The following SH3PXD2A variants were observed in gnomAD, a reference collection of about 807,000 sequenced individuals.
The protein encoded by SH3PXD2A is SH3 and PX domains 2A.
SH3PXD2A carries 32 observed loss-of-function variants against 115.2 expected under a neutral mutation model. The ratio of observed to expected loss-of-function variants is 0.28; its 90% CI spans 0.21 to 0.37. SH3PXD2A has a LOEUF of 0.37. Among genes scored for constraint, SH3PXD2A ranks in the 10% least tolerant of loss-of-function variants. The pLI, the probability that SH3PXD2A is intolerant of heterozygous loss-of-function variation, is 1.00. For synonymous variants in SH3PXD2A, 610 were observed against 629.1 expected (o/e 0.97, Z 0.45); for missense variants, 1,328 against 1,498.7 (o/e 0.89, Z 1.88).
At chr10:103,660,664 G>C (rs1032780231) in intron 8 of SH3PXD2A, among the ~76,000 whole-genome samples, 4 of 152,234 alleles carry the variant, frequency 2.6e-5, no homozygotes, top group Non-Finnish European at 4.4e-5. Flanking sequence ...CCTGAGCTGA[G>C]AGCACCCTGC....
intron 1 of SH3PXD2A, among the ~76,000 whole-genome samples, chr10:103,826,491 C>A (rs2039431427): frequency 6.6e-6 from 1 of 152,186 alleles, no homozygotes; most frequent in African/African-American, 2.4e-5. Context: ...GAACTCCATC[C>A]CAGGCCTCCA....
At position 103,597,987 on chromosome 10, in the gene SH3PXD2A, G is replaced by A. The variant is rs2036158671; in HGVS notation, c.*3829C>T. 1 of 152,452 alleles carries A rather than the reference G, an allele frequency of 6.6e-6. No individual in the cohort carries two copies. The highest frequency in any genetic ancestry group is 2.1e-4 in the South Asian group (1 of 4,810). The allele number at this position is 152,452 out of a possible 1,614,324, so 9.4% of individuals were successfully genotyped here. On this transcript the variant is annotated 3_prime_UTR_variant, in exon 15 of 15. Transcript: ENST00000369774. Reference sequence around the variant, plus strand: ...CAAACACTAGTAATAGGAAAATAATGCCTGACTGGAATTCCCTTGTCTTTT... The same window carrying A: ...CAAACACTAGTAATAGGAAAATAATACCTGACTGGAATTCCCTTGTCTTTT...
Position 103,620,124 on chromosome 10 carries a change from G to T in SH3PXD2A, c.802+2346C>A. 6.6e-6 allele frequency among the ~76,000 whole-genome samples: 1 copy of T among 152,232 alleles called. No individual in the cohort carries two copies. The highest frequency in any genetic ancestry group is 1.9e-4 in the East Asian group (1 of 5,192). On this transcript the variant is annotated intron_variant, in intron 10 of 14. Transcript: ENST00000369774. The surrounding 1 kb of genome is among the most constrained non-coding windows in gnomAD (Gnocchi z 5.3). The stretch of plus-strand genomic sequence containing the variant: ...CAGACAGACGGACATGGCCTCAGCG[G>T]GCAGCTGCATGATTCAGGGTGGTCA...
intron 2 of SH3PXD2A, among the ~76,000 whole-genome samples, chr10:103,797,647 G>A (rs747323901): frequency 5.0e-5 from 7 of 141,382 alleles, no homozygotes; most frequent in Non-Finnish European, 9.1e-5. Flanking sequence ...ATGCAGGGCA[G>A]TTAGGTCCAG....
chr10:103,664,215 G>T (rs1408015680), intron 7 of SH3PXD2A, among the ~76,000 whole-genome samples: 2 of 152,220 alleles, frequency 1.3e-5, no homozygotes, highest in Non-Finnish European at 2.9e-5. Context: ...CCAGTGTGGG[G>T]GCACTGGATG....
intron 8 of SH3PXD2A, among the ~76,000 whole-genome samples, chr10:103,629,876 G>A (rs2036753052): frequency 6.6e-6 from 1 of 152,248 alleles, no homozygotes; most frequent in Non-Finnish European, 1.5e-5. Flanking sequence ...TGTCCCCCTG[G>A]GGAGAGGAGG....
intron 2 of SH3PXD2A, among the ~76,000 whole-genome samples, chr10:103,799,928 T>A (rs1042314986): frequency 6.6e-6 from 1 of 152,116 alleles, no homozygotes; most frequent in East Asian, 1.9e-4. Context: ...GGATTTGTAA[T>A]ACAGGAAGCT....
intron 8 of SH3PXD2A, among the ~76,000 whole-genome samples, chr10:103,648,875 G>A (rs955775216): frequency 1.1e-4 from 17 of 152,372 alleles, no homozygotes; most frequent in Admixed American, 1.1e-3. Context: ...TAGTACAGAA[G>A]TGGCTCAGGG....
chr10:103,781,361 C>T (rs1384531552), intron 2 of SH3PXD2A, among the ~76,000 whole-genome samples: 1 of 152,212 alleles, frequency 6.6e-6, no homozygotes. Context: ...ATTCTCTCTT[C>T]CTTTGCCTGC....
chr10:103,608,430 GAAA>G (rs953168200), intron 13 of SH3PXD2A, among the ~76,000 whole-genome samples: 6 of 85,326 alleles, frequency 7.0e-5, no homozygotes, highest in Non-Finnish European at 1.5e-4. Context: ...TCCATGTCAA[GAAA>G]AAAAAAAAAA....
chr10:103,671,896 G>T (rs542967717), intron 6 of SH3PXD2A, among the ~76,000 whole-genome samples: 55 of 152,344 alleles, frequency 3.6e-4, no homozygotes, highest in Admixed American at 1.1e-3. Flanking sequence ...ACAGAGCAGG[G>T]TCACTGGCCT....
At chr10:103,829,733 C>G (rs1252376049) in intron 1 of SH3PXD2A, among the ~76,000 whole-genome samples, 1 of 152,212 alleles carries the variant, frequency 6.6e-6, no homozygotes, top group Non-Finnish European at 1.5e-5. Context: ...CTTGCTGGAA[C>G]AAGGCAAGGT....
intron 1 of SH3PXD2A, among the ~76,000 whole-genome samples, chr10:103,825,404 T>C (rs2039420922): frequency 6.6e-6 from 1 of 152,236 alleles, no homozygotes; most frequent in South Asian, 2.1e-4. Context: ...AGTTATTATT[T>C]AATTGATACA....
At chr10:103,703,065 G>A (rs1033288561) in intron 5 of SH3PXD2A, among the ~76,000 whole-genome samples, 5 of 152,202 alleles carry the variant, frequency 3.3e-5, no homozygotes, top group African/African-American at 1.2e-4. Context: ...ACCTGAGACT[G>A]GGAGCTTGGG....
intron 7 of SH3PXD2A, 61 bp from the exon 8 acceptor site, chr10:103,661,175 G>A (rs2037294743): frequency 6.3e-7 from 1 of 1,578,584 alleles, no homozygotes; most frequent in Non-Finnish European, 8.6e-7. Flanking sequence ...CGGCCAGGGC[G>A]CCCCCTGTCC....
intron 5 of SH3PXD2A, among the ~76,000 whole-genome samples, chr10:103,699,409 C>T (rs2037864696): frequency 6.6e-6 from 1 of 152,180 alleles, no homozygotes; most frequent in Non-Finnish European, 1.5e-5. Context: ...TGATATTTCC[C>T]ACTGTGGCAG....
At chr10:103,794,035 A>C (rs35478175) in intron 2 of SH3PXD2A, among the ~76,000 whole-genome samples, 5,773 of 152,272 alleles carry the variant, frequency 0.038, 181 homozygotes, top group Middle Eastern at 0.061. Context: ...TGATCCCATA[A>C]AGCTCCGTAA....
intron 5 of SH3PXD2A, among the ~76,000 whole-genome samples, chr10:103,703,958 T>C (rs1484383926): frequency 6.6e-6 from 1 of 152,178 alleles, no homozygotes; most frequent in Non-Finnish European, 1.5e-5. Context: ...TCTTCATTTA[T>C]AAAGTGCAGA....
At chr10:103,707,316 C>T (rs1319319103) in intron 5 of SH3PXD2A, among the ~76,000 whole-genome samples, 1 of 152,018 alleles carries the variant, frequency 6.6e-6, no homozygotes, top group Non-Finnish European at 1.5e-5. Flanking sequence ...CTGCCTCAGC[C>T]TCCAAGTAGT....
Sources: allele counts gnomAD v4.1 joint callset (sites outside exome capture counted in the v4.1 genomes callset), GRCh38; gene constraint gnomAD v4.1.1; non-coding constraint Gnocchi (gnomAD v3.1); transcripts MANE v1.5; gene names NCBI Gene and HGNC (gene_info 2026-07-23, HGNC 2026-07-21).